The following NFIB variants were observed in gnomAD, a reference collection of about 807,000 sequenced individuals.
NFIB encodes nuclear factor 1 B-type.
In NFIB, 11 loss-of-function variants were observed where a neutral mutation model predicts 61.5. That is an observed-to-expected ratio of 0.18 (90% CI 0.11 to 0.30). NFIB has a LOEUF of 0.30. NFIB is among the 10% of genes least tolerant of loss of function. The probability of loss-of-function intolerance (pLI) is 1.00; values close to 1 mark genes in which losing one functional copy is unlikely to be tolerated. For synonymous variants in NFIB, 260 were observed against 216.5 expected, an observed-to-expected ratio of 1.20 and a Z score of -1.76; for missense variants, 471 against 608.9, an observed-to-expected ratio of 0.77 and a Z score of 2.38.
intron 3 of NFIB, among the ~76,000 whole-genome samples, chr9:14,158,447 T>G (rs976808819): frequency 6.6e-6 from 1 of 152,242 alleles, no homozygotes; most frequent in Non-Finnish European, 1.5e-5. Flanking sequence ...CTTTGTACTT[T>G]CAGATTTTCT....
chr9:14,530,281 A>C, the NFIB span, among the ~76,000 whole-genome samples: 2 of 152,198 alleles, frequency 1.3e-5, no homozygotes, highest in South Asian at 2.1e-4. Flanking sequence ...AGTTGATTTC[A>C]CCATGTACAC....
rs1414130414 is a variant in NFIB, at chr9:14,360,807, GCC to G, written c.108+37715_108+37716del. ...CATCCGCCCGCCTGGGCCTCCCAAA[GCC>G]TGGGCCTCAAGCCTGGGATTACAGG... On this transcript the variant is annotated intron_variant, in intron 1 of 8. Transcript: ENST00000380934. Among the ~76,000 whole-genome samples the G allele has an allele frequency of 6.6e-5, 10 of 152,106 alleles. No homozygotes were observed. The East Asian group carries it at 1.9e-3, about 30-fold the overall frequency.
At chr9:14,293,179 G>C (rs1015624256) in intron 2 of NFIB, among the ~76,000 whole-genome samples, 2 of 152,132 alleles carry the variant, frequency 1.3e-5, no homozygotes, top group Non-Finnish European at 2.9e-5. Flanking sequence ...ACTAATCAGT[G>C]TTTTCCAAAA....
At chr9:14,169,481 T>A (rs1364474987) in intron 3 of NFIB, among the ~76,000 whole-genome samples, 1 of 152,070 alleles carries the variant, frequency 6.6e-6, no homozygotes, top group African/African-American at 2.4e-5. Context: ...AACCTGACCA[T>A]TGTTTCTTAA....
the NFIB span, among the ~76,000 whole-genome samples, chr9:14,509,512 T>C: frequency 6.6e-6 from 1 of 152,214 alleles, no homozygotes; most frequent in African/African-American, 2.4e-5. Context: ...CTAACACATA[T>C]TTTTATCAAC....
the NFIB span, among the ~76,000 whole-genome samples, chr9:14,526,339 A>T: frequency 2.0e-5 from 3 of 152,224 alleles, no homozygotes; most frequent in Admixed American, 2.0e-4. Flanking sequence ...AAGCATGCTT[A>T]GTGTAAGTTG....
intron 10 of NFIB, among the ~76,000 whole-genome samples, chr9:14,105,606 T>G (rs545154479): frequency 5.7e-4 from 87 of 152,188 alleles, no homozygotes; most frequent in African/African-American, 1.9e-3. Context: ...AATTTTAAAG[T>G]GATGGTATGG....
At position 14,083,908 on chromosome 9, in the gene NFIB, A is replaced by G. The variant is rs2032427688; in HGVS notation, c.*4401T>C. The G allele has an allele frequency of 4.5e-6, 1 of 223,958 alleles. No individual in the cohort carries two copies. The allele number at this position is 223,958 out of a possible 1,614,324, so 13.9% of individuals were successfully genotyped here. On this transcript the variant is annotated 3_prime_UTR_variant, in exon 11 of 11. Coordinates refer to ENST00000380953, the MANE Select transcript of NFIB (RefSeq NM_001190737.2). Reference sequence around the variant, plus strand: ...GAATGCTCTGTGAAACTTAACCTTAAATACCATCACGTAACAATCACAAAA... The same window carrying G: ...GAATGCTCTGTGAAACTTAACCTTAGATACCATCACGTAACAATCACAAAA...
chr9:14,413,134 A>G, the NFIB span, among the ~76,000 whole-genome samples: 4 of 152,144 alleles, frequency 2.6e-5, no homozygotes, highest in Non-Finnish European at 4.4e-5. Context: ...TTGGATTTGT[A>G]ATGAAACTTA....
the NFIB span, among the ~76,000 whole-genome samples, chr9:14,432,996 A>G: frequency 4.9e-4 from 75 of 152,238 alleles, no homozygotes; most frequent in Non-Finnish European, 8.8e-5. Context: ...TTAGTATTAC[A>G]TAAATAACAA....
chr9:14,487,740 T>C, the NFIB span, among the ~76,000 whole-genome samples: 2 of 152,230 alleles, frequency 1.3e-5, no homozygotes, highest in Non-Finnish European at 2.9e-5. Flanking sequence ...GCCAGCACCA[T>C]GGCTTTCCAA....
the NFIB span, among the ~76,000 whole-genome samples, chr9:14,432,380 A>T: frequency 2.0e-5 from 3 of 152,146 alleles, no homozygotes; most frequent in African/African-American, 7.2e-5. Flanking sequence ...ATTGTTTCTT[A>T]AGCCCCTGCT....
intron 1 of NFIB, chr9:14,322,157 G>T: frequency 8.3e-7 from 1 of 1,206,350 alleles, no homozygotes; most frequent in Non-Finnish European, 1.0e-6. Flanking sequence ...CACTGCCACA[G>T]TTCTTGGCCC....
chr9:14,110,449 CCTTT>C (rs1200971837), intron 10 of NFIB, among the ~76,000 whole-genome samples: 13 of 152,028 alleles, frequency 8.6e-5, no homozygotes, highest in Admixed American at 2.0e-4. Context: ...TAAAGCACTG[CCTTT>C]CTAATTTTGA....
chr9:14,453,134 G>A, the NFIB span, among the ~76,000 whole-genome samples: 3 of 152,158 alleles, frequency 2.0e-5, no homozygotes, highest in Non-Finnish European at 4.4e-5. Context: ...GGTATCTTTT[G>A]TGTATTTAAA....
the NFIB span, among the ~76,000 whole-genome samples, chr9:14,500,656 CA>C: frequency 1.3e-5 from 2 of 152,082 alleles, no homozygotes; most frequent in Non-Finnish European, 2.9e-5. Context: ...AACAAACAAA[CA>C]AAAAATCCAA....
the NFIB span, among the ~76,000 whole-genome samples, chr9:14,462,170 ACAAT>A: frequency 1.3e-4 from 20 of 152,240 alleles, no homozygotes; most frequent in Admixed American, 3.9e-4. Flanking sequence ...ATTTTAATAC[ACAAT>A]CAGTGTTTCA....
chr9:14,475,756 C>T, the NFIB span, among the ~76,000 whole-genome samples: 2 of 152,146 alleles, frequency 1.3e-5, no homozygotes, highest in South Asian at 2.1e-4. Context: ...TTCCAAAGAC[C>T]TCTTCTCATT....
Position 14,207,795 on chromosome 9 carries a change from T to A in NFIB, c.563-28015A>T, listed in dbSNP as rs541482659. 2.4e-4 allele frequency among the ~76,000 whole-genome samples: 36 copies of A among 152,322 alleles called. No individual in the cohort carries two copies. In the South Asian group the frequency reaches 7.5e-3, roughly 32 times the overall value. ...TACTTAACCAGAGTTCAAGGTCTGA[T>A]GGTTTATCTACAGAGACAACATGAC... On this transcript the variant is annotated intron_variant, in intron 2 of 10. Coordinates refer to ENST00000380953, the MANE Select transcript of NFIB (RefSeq NM_001190737.2).
Sources: gnomAD v4.1 joint callset for allele counts (sites outside exome capture counted in the v4.1 genomes callset) on GRCh38, gnomAD v4.1.1 for gene constraint, MANE v1.5 for transcripts, NCBI Gene and HGNC (gene_info 2026-07-23, HGNC 2026-07-21) for gene names.